RGS22: variants seen among roughly 807,000 people sequenced by gnomAD.
The protein encoded by RGS22 is regulator of G-protein signaling 22.
A neutral mutation model predicts 172.9 loss-of-function variants in RGS22; 148 were observed. That is an observed-to-expected ratio of 0.86 (90% CI 0.75 to 0.98). The LOEUF (loss-of-function observed/expected upper bound fraction) is 0.98. RGS22 is among the 50% of genes least tolerant of loss of function. The pLI is 0.00. For synonymous variants in RGS22, 458 were observed against 480.2 expected (o/e 0.95, Z 0.60); for missense variants, 1,347 against 1,440.8 (o/e 0.93, Z 1.05).
intron 2 of RGS22, among the ~76,000 whole-genome samples, chr8:100,097,254 A>G (rs989545144): frequency 3.9e-5 from 6 of 152,250 alleles, no homozygotes; most frequent in Non-Finnish European, 8.8e-5. Context: ...ACAAGTGTAT[A>G]CATTTGTCAA....
chr8:99,975,649 A>G (rs1422896723), intron 23 of RGS22, among the ~76,000 whole-genome samples: 1 of 151,324 alleles, frequency 6.6e-6, no homozygotes, highest in African/African-American at 2.4e-5. Context: ...TTTTACTATT[A>G]TAAGTGATGC....
chr8:100,091,777 G>A (rs774017360), intron 3 of RGS22: 5 of 152,112 alleles, frequency 3.3e-5, no homozygotes, highest in African/African-American at 7.2e-5. Flanking sequence ...GAGCCCACAG[G>A]AAAGACTATG....
chr8:100,030,179 T>C (rs994114930), intron 14 of RGS22, among the ~76,000 whole-genome samples: 4 of 152,242 alleles, frequency 2.6e-5, no homozygotes, highest in African/African-American at 7.2e-5. Context: ...TATTGCCTAG[T>C]AACACTGTAG....
At chr8:99,980,640 C>T (rs1349088455) in intron 22 of RGS22, among the ~76,000 whole-genome samples, 2 of 152,156 alleles carry the variant, frequency 1.3e-5, no homozygotes, top group East Asian at 1.9e-4. Context: ...GATGCTCTAA[C>T]GTCCATATTT....
At chr8:99,963,516 G>C (rs1272790119) in intron 24 of RGS22, among the ~76,000 whole-genome samples, 2 of 152,110 alleles carry the variant, frequency 1.3e-5, no homozygotes, top group Non-Finnish European at 2.9e-5. Flanking sequence ...TCTTCAATGT[G>C]CAAAATCTAT....
At chr8:100,078,328 T>G (rs962581919) in intron 4 of RGS22, among the ~76,000 whole-genome samples, 2 of 151,746 alleles carry the variant, frequency 1.3e-5, no homozygotes, top group Non-Finnish European at 2.9e-5. Flanking sequence ...AGCCTCAAAC[T>G]CCTGGGCTCA....
intron 14 of RGS22, chr8:100,038,377 T>C (rs540144282): frequency 5.9e-5 from 9 of 152,236 alleles, no homozygotes; most frequent in African/African-American, 1.7e-4. Flanking sequence ...AGGGTGGTCT[T>C]GAAACATTCT....
chr8:100,052,358 G>T (rs1821752604), intron 10 of RGS22, among the ~76,000 whole-genome samples: 1 of 148,592 alleles, frequency 6.7e-6, no homozygotes, highest in Non-Finnish European at 1.5e-5. Flanking sequence ...CTGGAGTGCA[G>T]TGGCGCTATC....
At chr8:100,096,821 A>C (rs1166042369) in intron 2 of RGS22, among the ~76,000 whole-genome samples, 1 of 151,850 alleles carries the variant, frequency 6.6e-6, no homozygotes, top group Non-Finnish European at 1.5e-5. Flanking sequence ...ATTTCTTTAC[A>C]ACTCTAAAAG....
intron 2 of RGS22, among the ~76,000 whole-genome samples, chr8:100,101,443 AT>A (rs57644659): frequency 0.16 from 18,518 of 116,544 alleles, 1,177 homozygotes; most frequent in African/African-American, 0.19. Flanking sequence ...TGCCCAGCTA[AT>A]TTTTTTTTTT....
Position 100,063,747 on chromosome 8 carries a change from C to G in RGS22, c.1021G>C (p.Asp341His), listed in dbSNP as rs914484482. The G allele has an allele frequency of 6.2e-7, 1 of 1,613,936 alleles. No homozygotes were observed. The highest frequency in any genetic ancestry group is 1.3e-5 in the African/African-American group (1 of 74,924). ...GTTATATTGTTGAAGTTTATATAGT[C>G]TGGGGTTTCTCCAACTGGCTTTCCA... is the stretch of plus-strand genomic sequence containing the variant. ...IVGKPVGETP[D>H]YINFNNITKV... Residue 341 changes from aspartate to histidine, a missense_variant, in exon 8 of 28, where the codon GAC (aspartate) becomes CAC (histidine). Transcript: ENST00000360863.
intron 22 of RGS22, among the ~76,000 whole-genome samples, chr8:99,981,177 G>C (rs1050216098): frequency 6.6e-6 from 1 of 152,016 alleles, no homozygotes; most frequent in Admixed American, 6.6e-5. Flanking sequence ...TCACTAAAAG[G>C]CTTTTTAAAA....
At chr8:100,002,390 T>C in intron 17 of RGS22, 26 bp from the exon 18 acceptor site, 4 of 1,566,724 alleles carry the variant, frequency 2.6e-6, no homozygotes, top group Non-Finnish European at 3.4e-6. Flanking sequence ...AAACAATGTA[T>C]AGCTCTTCAT....
chr8:99,970,710 C>G (rs1021531733), intron 23 of RGS22, among the ~76,000 whole-genome samples: 2 of 152,126 alleles, frequency 1.3e-5, no homozygotes, highest in African/African-American at 2.4e-5. Context: ...AGACCAATAA[C>G]AAGTTCTGAA....
intron 7 of RGS22, 29 bp from the exon 8 acceptor site, chr8:100,064,072 T>C: frequency 4.2e-6 from 6 of 1,438,150 alleles, no homozygotes; most frequent in Non-Finnish European, 4.6e-6. Context: ...AGCTATTAGA[T>C]TAGATATGAA....
At chr8:100,060,421 T>TATATATATATATATATATACACAC (rs1245783464) in intron 9 of RGS22, among the ~76,000 whole-genome samples, 1 of 119,482 alleles carries the variant, frequency 8.4e-6, no homozygotes, top group African/African-American at 2.9e-5. Flanking sequence ...TATATATATA[T>TATATATATATATATATATACACAC]ACACACACAC....
chr8:100,006,850 A>G (rs1049470411), intron 15 of RGS22, among the ~76,000 whole-genome samples: 1 of 152,172 alleles, frequency 6.6e-6, no homozygotes, highest in African/African-American at 2.4e-5. Flanking sequence ...AAAACTGTAC[A>G]ATTTGTTTCA....
chr8:99,994,301 A>T (rs1366120922), intron 20 of RGS22, among the ~76,000 whole-genome samples: 1 of 152,208 alleles, frequency 6.6e-6, no homozygotes, highest in Admixed American at 6.5e-5. Flanking sequence ...AGGGTATTCA[A>T]GTAGGAAAAG....
intron 14 of RGS22, among the ~76,000 whole-genome samples, chr8:100,036,982 T>C (rs1227138648): frequency 6.6e-6 from 1 of 152,182 alleles, no homozygotes; most frequent in Non-Finnish European, 1.5e-5. Context: ...AATTTACCCC[T>C]GAAGAGAGTC....
Sources: gnomAD v4.1 joint callset for allele counts (sites outside exome capture counted in the v4.1 genomes callset) on GRCh38, gnomAD v4.1.1 for gene constraint, MANE v1.5 for transcripts, NCBI Gene and HGNC (gene_info 2026-07-23, HGNC 2026-07-21) for gene names.